DNAH7: variants seen among roughly 807,000 people sequenced by gnomAD.
The protein encoded by DNAH7 is axonemal beta dynein heavy chain 7.
Under a neutral mutation model 444.6 loss-of-function variants are expected in DNAH7, and 397 were observed. The ratio of observed to expected loss-of-function variants is 0.89; its 90% CI spans 0.82 to 0.97. DNAH7 has a LOEUF of 0.97. Ranked by LOEUF, DNAH7 falls within the 50% of genes least tolerant of loss-of-function variation. The pLI, the probability that DNAH7 is intolerant of heterozygous loss-of-function variation, is 0.00. For missense variants in DNAH7, 4,902 were observed against 4,800.8 expected, an observed-to-expected ratio of 1.02 and a Z score of -0.62; for synonymous variants, 1,636 against 1,624.4, an observed-to-expected ratio of 1.01 and a Z score of -0.17.
At chr2:195,833,225 C>T (rs1036102572) in intron 48 of DNAH7, among the ~76,000 whole-genome samples, 1 of 152,174 alleles carries the variant, frequency 6.6e-6, no homozygotes, top group African/African-American at 2.4e-5. Context: ...ATTCTATATG[C>T]TAAGAACACC....
intron 37 of DNAH7, among the ~76,000 whole-genome samples, chr2:195,876,106 T>C (rs1701038312): frequency 6.6e-6 from 1 of 152,218 alleles, no homozygotes; most frequent in Admixed American, 6.5e-5. Context: ...ATACAATTTG[T>C]TTCTCAATAT....
At chr2:196,039,795 AAAAAAAAAGAC>A (rs1466826799) in intron 5 of DNAH7, among the ~76,000 whole-genome samples, 11 of 151,788 alleles carry the variant, frequency 7.2e-5, no homozygotes, top group Non-Finnish European at 1.5e-5. Context: ...CCTCAAAAAA[AAAAAAAAAGAC>A]AAAAAAAAGA....
At chr2:195,813,413 C>T (rs1697066415) in intron 51 of DNAH7, among the ~76,000 whole-genome samples, 1 of 152,158 alleles carries the variant, frequency 6.6e-6, no homozygotes, top group African/African-American at 2.4e-5. Context: ...ATGTCTTTCT[C>T]AAAGACCCAG....
At chr2:195,800,207 C>T (rs1696379346) in intron 54 of DNAH7, among the ~76,000 whole-genome samples, 1 of 152,182 alleles carries the variant, frequency 6.6e-6, no homozygotes, top group Non-Finnish European at 1.5e-5. Context: ...GGCCTCTCCT[C>T]CCAACACCGC....
chr2:196,055,427 G>C (rs1049962360), intron 2 of DNAH7, among the ~76,000 whole-genome samples: 3 of 152,240 alleles, frequency 2.0e-5, no homozygotes, highest in African/African-American at 7.2e-5. Context: ...GAAAAGAAAA[G>C]GAAAGAGTGC....
chr2:195,865,748 G>A (rs540956415), intron 40 of DNAH7, among the ~76,000 whole-genome samples: 1 of 152,142 alleles, frequency 6.6e-6, no homozygotes, highest in Non-Finnish European at 1.5e-5. Flanking sequence ...AACTCTCAAT[G>A]TGACTGGATT....
At chr2:195,780,548 A>G (rs2105960279) in intron 58 of DNAH7, among the ~76,000 whole-genome samples, 1 of 152,204 alleles carries the variant, frequency 6.6e-6, no homozygotes, top group Middle Eastern at 3.4e-3. Flanking sequence ...CAGGAGTTTG[A>G]TACCAGCCTG....
chr2:195,945,918 G>A (rs2125454777), intron 19 of DNAH7, among the ~76,000 whole-genome samples: 1 of 152,224 alleles, frequency 6.6e-6, no homozygotes, highest in South Asian at 2.1e-4. Flanking sequence ...TCTCCATCTG[G>A]TGGGTAATTA....
chr2:196,068,797 G>T lies in DNAH7; in HGVS notation c.-86C>A. 6.6e-7 allele frequency: 1 copy of T among 1,512,780 alleles called. No homozygotes were observed. Among genetic ancestry groups the T allele is most frequent in the Non-Finnish European group, 8.9e-7 (1 of 1,120,140 alleles). 93.7% of individuals were successfully genotyped at this position (1,512,780 alleles called of 1,614,324 possible). On this transcript the variant is annotated 5_prime_UTR_variant, in exon 1 of 65. Coordinates refer to ENST00000312428, the MANE Select transcript of DNAH7 (RefSeq NM_018897.3). ...TAGGACGATAGAGGCAGGGCCCCGG[G>T]ACTTGCAGCGGTCTCAGCTCCCTCC... is the stretch of plus-strand genomic sequence containing the variant.
intron 21 of DNAH7, among the ~76,000 whole-genome samples, chr2:195,932,281 C>T (rs939001882): frequency 1.3e-5 from 2 of 152,118 alleles, no homozygotes; most frequent in East Asian, 1.9e-4. Context: ...TATCCTGAGA[C>T]TTTTCTGAAG....
At chr2:195,792,890 G>A (rs1327360407) in intron 57 of DNAH7, among the ~76,000 whole-genome samples, 1 of 151,850 alleles carries the variant, frequency 6.6e-6, no homozygotes, top group African/African-American at 2.4e-5. Context: ...AGATGAATAT[G>A]GGTAAAAAGG....
intron 39 of DNAH7, among the ~76,000 whole-genome samples, chr2:195,872,965 CAA>C (rs1700809337): frequency 6.6e-6 from 1 of 152,062 alleles, no homozygotes; most frequent in Non-Finnish European, 1.5e-5. Context: ...TGAGCCAAGA[CAA>C]AGTGCATGAT....
intron 15 of DNAH7, among the ~76,000 whole-genome samples, chr2:195,978,438 C>G (rs957295504): frequency 4.6e-5 from 7 of 151,690 alleles, no homozygotes; most frequent in Non-Finnish European, 8.8e-5. Context: ...CTAAAACATA[C>G]CACCAGAGAA....
intron 40 of DNAH7, among the ~76,000 whole-genome samples, chr2:195,871,047 C>T (rs927565925): frequency 6.6e-6 from 1 of 152,132 alleles, no homozygotes; most frequent in African/African-American, 2.4e-5. Flanking sequence ...AGGTAACCTG[C>T]TGTGGAGTGC....
chr2:196,028,790 G>T (rs1290924670), intron 5 of DNAH7, among the ~76,000 whole-genome samples: 1 of 152,168 alleles, frequency 6.6e-6, no homozygotes, highest in East Asian at 1.9e-4. Context: ...CAGTGATGTT[G>T]TATAATTAAG....
chr2:195,740,339 C>G (rs984526053), intron 64 of DNAH7, among the ~76,000 whole-genome samples: 2 of 152,052 alleles, frequency 1.3e-5, no homozygotes, highest in African/African-American at 2.4e-5. Context: ...TAGCTCATGC[C>G]TCAACGAAGC....
chr2:195,916,229 T>C (rs1687665347), intron 24 of DNAH7, among the ~76,000 whole-genome samples: 1 of 152,224 alleles, frequency 6.6e-6, no homozygotes, highest in Admixed American at 6.5e-5. Flanking sequence ...CTGGGTTTGA[T>C]GATGACTTTT....
At chr2:196,020,892 G>A (rs1044950640) in intron 8 of DNAH7, among the ~76,000 whole-genome samples, 15 of 152,096 alleles carry the variant, frequency 9.9e-5, no homozygotes, top group Non-Finnish European at 1.5e-4. Flanking sequence ...AATTACGGGC[G>A]TAAGCCACCG....
intron 4 of DNAH7, 114 bp downstream of exon 4, chr2:196,048,182 C>T: frequency 1.1e-6 from 1 of 878,914 alleles, no homozygotes; most frequent in Non-Finnish European, 1.6e-6. Flanking sequence ...TTTTTTTCTA[C>T]TTGACATTAA....
Sources: gnomAD v4.1 joint callset for allele counts (sites outside exome capture counted in the v4.1 genomes callset) on GRCh38, gnomAD v4.1.1 for gene constraint, MANE v1.5 for transcripts, NCBI Gene and HGNC (gene_info 2026-07-23, HGNC 2026-07-21) for gene names.